RBMS3: variants seen among roughly 807,000 people sequenced by gnomAD.
RBMS3 encodes the protein RNA-binding motif, single-stranded-interacting protein 3.
RBMS3 carries 27 observed loss-of-function variants against 66.8 expected under a neutral mutation model. The observed-to-expected ratio is 0.40, with a 90% confidence interval of 0.30 to 0.56. The LOEUF (loss-of-function observed/expected upper bound fraction) is 0.56, where lower values mean the gene tolerates loss of function less well. Among genes scored for constraint, RBMS3 ranks in the 20% least tolerant of loss-of-function variants. The probability of loss-of-function intolerance (pLI) is 0.40; values close to 1 mark genes in which losing one functional copy is unlikely to be tolerated. For synonymous variants in RBMS3, 188 were observed against 183.0 expected (o/e 1.03, Z -0.22); for missense variants, 513 against 549.5 (o/e 0.93, Z 0.66).
chr3:29,561,460 T>A (rs1027932843), intron 3 of RBMS3, among the ~76,000 whole-genome samples: 110 of 151,900 alleles, frequency 7.2e-4, no homozygotes, highest in African/African-American at 2.4e-3. Context: ...GTTGTTGTTG[T>A]TGTTGTTGCT....
intron 1 of RBMS3, among the ~76,000 whole-genome samples, chr3:29,368,192 T>A (rs1459870949): frequency 6.6e-6 from 1 of 152,160 alleles, no homozygotes; most frequent in African/African-American, 2.4e-5. Context: ...AGCTTACCAA[T>A]GGAAGTTAGA....
At chr3:29,966,233 T>G (rs923793546) in intron 12 of RBMS3, among the ~76,000 whole-genome samples, 7 of 152,192 alleles carry the variant, frequency 4.6e-5, no homozygotes, top group Non-Finnish European at 1.0e-4. Context: ...TAGAATTGTT[T>G]TTTCTAACTC....
intron 3 of RBMS3, among the ~76,000 whole-genome samples, chr3:29,548,188 G>C (rs1273929650): frequency 3.9e-5 from 6 of 152,074 alleles, no homozygotes; most frequent in Non-Finnish European, 5.9e-5. Flanking sequence ...GAGCTTGGGA[G>C]GCCAAAGCAG....
Position 29,662,533 on chromosome 3 carries a change from G to A in RBMS3, c.399+75328G>A, listed in dbSNP as rs140310512. Among the ~76,000 whole-genome samples the A allele has an allele frequency of 6.3e-3, 957 of 152,282 alleles. 8 individuals carry two copies. Among genetic ancestry groups the A allele is most frequent in the Middle Eastern group, 0.037 (11 of 294 alleles). ...TGATGCATACCTAAAGTGACCAAAA[G>A]TTAGTGACAGAGCCAACCTGTTAAC... On this transcript the variant is annotated intron_variant, in intron 4 of 14. Transcript: ENST00000383767.
At chr3:29,891,832 AT>A (rs1327704000) in intron 8 of RBMS3, among the ~76,000 whole-genome samples, 2 of 151,584 alleles carry the variant, frequency 1.3e-5, no homozygotes, top group Non-Finnish European at 3.0e-5. Flanking sequence ...TGGTATTACA[AT>A]AAAAATGACC....
intron 2 of RBMS3, among the ~76,000 whole-genome samples, chr3:29,487,106 T>C (rs779669225): frequency 1.3e-5 from 2 of 152,184 alleles, no homozygotes; most frequent in Non-Finnish European, 2.9e-5. Context: ...AGTTAATGGG[T>C]ATGATTGTAG....
intron 4 of RBMS3, among the ~76,000 whole-genome samples, chr3:29,668,376 A>G (rs2050854869): frequency 6.6e-6 from 1 of 152,210 alleles, no homozygotes; most frequent in Non-Finnish European, 1.5e-5. Context: ...GAGAGCTGCC[A>G]AATACTACTA....
At chr3:29,610,693 C>T (rs2048463487) in intron 4 of RBMS3, among the ~76,000 whole-genome samples, 1 of 152,016 alleles carries the variant, frequency 6.6e-6, no homozygotes, top group Admixed American at 6.6e-5. Flanking sequence ...AATGAGCCTT[C>T]AAAAAACTGA....
chr3:29,413,290 A>T (rs1003424131), intron 1 of RBMS3, among the ~76,000 whole-genome samples: 1 of 152,232 alleles, frequency 6.6e-6, no homozygotes, highest in East Asian at 1.9e-4. Flanking sequence ...GAATCGCTTG[A>T]AACCAGATGC....
chr3:29,386,038 G>C (rs190488103), intron 1 of RBMS3, among the ~76,000 whole-genome samples: 58 of 152,198 alleles, frequency 3.8e-4, no homozygotes, highest in Admixed American at 6.5e-4. Context: ...ACCAATGTCT[G>C]TATCCTTATA....
At chr3:29,928,701 T>C (rs1331235229) in intron 10 of RBMS3, among the ~76,000 whole-genome samples, 1 of 152,162 alleles carries the variant, frequency 6.6e-6, no homozygotes, top group Non-Finnish European at 1.5e-5. Flanking sequence ...TACCACATTC[T>C]GGGGAATAAC....
At chr3:29,591,241 A>G (rs1477470978) in intron 4 of RBMS3, among the ~76,000 whole-genome samples, 1 of 152,074 alleles carries the variant, frequency 6.6e-6, no homozygotes, top group East Asian at 1.9e-4. Flanking sequence ...CCCAAAAAGA[A>G]CCCACCTCAA....
rs189448336 is a variant in RBMS3, at chr3:29,623,819, A to G, written c.399+36614A>G. 2.0e-3 allele frequency among the ~76,000 whole-genome samples: 300 copies of G among 152,292 alleles called. 1 individual carries two copies. The highest frequency in any genetic ancestry group is 7.1e-3 in the African/African-American group (295 of 41,560). On this transcript the variant is annotated intron_variant, in intron 4 of 14. Transcript: ENST00000383767. ...CTTCATTATAGATATCAATAGACTA[A>G]TAGATAATGGAAAGATAACAATGGA...
At chr3:29,335,129 G>A (rs1240761805) in intron 1 of RBMS3, among the ~76,000 whole-genome samples, 1 of 151,082 alleles carries the variant, frequency 6.6e-6, no homozygotes, top group Non-Finnish European at 1.5e-5. Flanking sequence ...TTTTTTTAAT[G>A]GTTAACTGCT....
rs899265985 is a variant in RBMS3, at chr3:29,539,977, T to C, written c.308-47137T>C. On this transcript the variant is annotated intron_variant, in intron 3 of 14. Coordinates refer to ENST00000383767, the MANE Select transcript of RBMS3 (RefSeq NM_001003793.3). ...GCAATACTTATCATTCAAACACTCT[T>C]TCTTATGTCTCACCTAGGTGCCTCT... 3.3e-5 allele frequency among the ~76,000 whole-genome samples: 5 copies of C among 152,332 alleles called. No homozygotes were observed. The South Asian group carries it at 1.0e-3, about 32-fold the overall frequency.
At chr3:29,387,635 G>T (rs2039067610) in intron 1 of RBMS3, among the ~76,000 whole-genome samples, 1 of 152,040 alleles carries the variant, frequency 6.6e-6, no homozygotes, top group Non-Finnish European at 1.5e-5. Flanking sequence ...GGGCGCGGTG[G>T]CTCACACCTG....
intron 4 of RBMS3, among the ~76,000 whole-genome samples, chr3:29,621,176 AAT>A (rs934367133): frequency 2.7e-5 from 4 of 147,846 alleles, no homozygotes; most frequent in Non-Finnish European, 5.9e-5. Context: ...TCTTGCTCCA[AAT>A]GTCTGCTTCT....
At chr3:29,549,405 T>G (rs2046103297) in intron 3 of RBMS3, among the ~76,000 whole-genome samples, 1 of 151,352 alleles carries the variant, frequency 6.6e-6, no homozygotes, top group Non-Finnish European at 1.5e-5. Context: ...TGATTTTTTT[T>G]TTTTTTTTTT....
intron 3 of RBMS3, among the ~76,000 whole-genome samples, chr3:29,491,127 G>C (rs1221496019): frequency 2.0e-5 from 3 of 152,160 alleles, no homozygotes; most frequent in South Asian, 4.1e-4. Flanking sequence ...TGAAGAAAAA[G>C]GGATGTAACT....
Sources: allele counts gnomAD v4.1 joint callset (sites outside exome capture counted in the v4.1 genomes callset), GRCh38; gene constraint gnomAD v4.1.1; transcripts MANE v1.5; gene names NCBI Gene and HGNC (gene_info 2026-07-23, HGNC 2026-07-21).